Variants in HORMAD1 observed in about 807,000 individuals in gnomAD.
The protein encoded by HORMAD1 is HORMA domain-containing protein 1.
A neutral mutation model predicts 58.2 loss-of-function variants in HORMAD1; 33 were observed. That is an observed-to-expected ratio of 0.57 (90% confidence interval 0.43 to 0.76). HORMAD1 has a LOEUF of 0.76. Among genes scored for constraint, HORMAD1 ranks in the 30% least tolerant of loss-of-function variants. The pLI, the probability that HORMAD1 is intolerant of heterozygous loss-of-function variation, is 0.00. For synonymous variants in HORMAD1, 137 were observed against 144.6 expected (o/e 0.95, Z 0.38); for missense variants, 363 against 462.0 (o/e 0.79, Z 1.96).
intron 9 of HORMAD1, 95 bp from the exon 10 acceptor site, chr1:150,706,904 T>C (rs1263917044): frequency 1.9e-6 from 2 of 1,072,676 alleles, no homozygotes; most frequent in Non-Finnish European, 2.6e-6. Context: ...GTATTTCAAA[T>C]AGTATATAAG....
chr1:150,717,520 T>A (rs1453187095), intron 2 of HORMAD1, among the ~76,000 whole-genome samples: 2 of 151,934 alleles, frequency 1.3e-5, no homozygotes, highest in Non-Finnish European at 2.9e-5. Context: ...TTTTTTTTTT[T>A]ATTTTTAAAA....
At chr1:150,719,366 T>C in intron 2 of HORMAD1, 107 bp downstream of exon 2, 2 of 710,502 alleles carry the variant, frequency 2.8e-6, no homozygotes, top group Non-Finnish European at 4.9e-6. Flanking sequence ...CCTGGTATCA[T>C]AAAACCCTCA....
intron 2 of HORMAD1, among the ~76,000 whole-genome samples, chr1:150,718,247 T>C (rs947239501): frequency 6.6e-6 from 1 of 152,096 alleles, no homozygotes; most frequent in Non-Finnish European, 1.5e-5. Flanking sequence ...TTAGCCTATC[T>C]GTCCCTATAA....
At chr1:150,708,122 G>T in intron 9 of HORMAD1, 134 bp downstream of exon 9, 2 of 578,136 alleles carry the variant, frequency 3.5e-6, no homozygotes, top group South Asian at 6.2e-5. Context: ...TTTCTTTCTT[G>T]AATAGTGATA....
intron 13 of HORMAD1, among the ~76,000 whole-genome samples, chr1:150,701,259 T>C (rs1651527864): frequency 6.6e-6 from 1 of 152,220 alleles, no homozygotes; most frequent in African/African-American, 2.4e-5. Flanking sequence ...GTAAAGGTTA[T>C]TCATCCTACA....
At chr1:150,715,965 G>T (rs1652059232) in intron 3 of HORMAD1, among the ~76,000 whole-genome samples, 1 of 151,490 alleles carries the variant, frequency 6.6e-6, no homozygotes, top group South Asian at 2.1e-4. Flanking sequence ...CATCAGTGCG[G>T]CATTATTCAT....
chr1:150,719,532 A>G lies in HORMAD1; in HGVS notation c.-27T>C, dbSNP rs375045460. On this transcript the variant is annotated 5_prime_UTR_variant, in exon 2 of 15. Coordinates refer to ENST00000361824, the MANE Select transcript of HORMAD1 (RefSeq NM_032132.5). ...TTCTTCTGATAAAGTATTTTCTTTA[A>G]TTCAACCTTGTGACACAAATACAAG... 3.7e-5 allele frequency: 57 copies of G among 1,551,030 alleles called. No homozygotes were observed. The East Asian group carries it at 6.2e-4, about 17-fold the overall frequency.
At chr1:150,720,006 C>A (rs1464723035) in intron 1 of HORMAD1, among the ~76,000 whole-genome samples, 1 of 151,742 alleles carries the variant, frequency 6.6e-6, no homozygotes, top group Non-Finnish European at 1.5e-5. Context: ...CTCCGCCTCC[C>A]GGGTTCAAGC....
chr1:150,699,690 A>AC (rs1553189716), intron 14 of HORMAD1, among the ~76,000 whole-genome samples: 2 of 105,408 alleles, frequency 1.9e-5, no homozygotes, highest in Non-Finnish European at 4.2e-5. Context: ...ACGCCCAGCT[A>AC]TTTTTTTTTT....
At chr1:150,717,530 A>ATTT (rs1652120865) in intron 2 of HORMAD1, among the ~76,000 whole-genome samples, 4 of 152,236 alleles carry the variant, frequency 2.6e-5, no homozygotes, top group African/African-American at 7.2e-5. Flanking sequence ...TATTTTTAAA[A>ATTT]AAATTGAGAC....
intron 5 of HORMAD1, among the ~76,000 whole-genome samples, chr1:150,712,640 C>T (rs904123626): frequency 3.3e-5 from 5 of 152,154 alleles, no homozygotes; most frequent in African/African-American, 9.7e-5. Flanking sequence ...TCTCCACCTC[C>T]CAGGTTCAAG....
At chr1:150,720,059 G>A (rs975819314) in intron 1 of HORMAD1, among the ~76,000 whole-genome samples, 1 of 95,508 alleles carries the variant, frequency 1.0e-5, no homozygotes, top group African/African-American at 3.5e-5. Flanking sequence ...GACCACAGGT[G>A]CCCACCATAT....
In HORMAD1 at chr1:150,708,898, T is replaced by C. The variant is rs1196447123; in HGVS notation, c.391A>G (p.Ile131Val). ...YTNNGPLMDF[I>V]SKNQSNESSM... The stretch of plus-strand genomic sequence containing the variant: ...CAGAAAACTATAGAACAATACCTTA[T>C]GAAGTCCATGAGTGGTCCATTATTG... The change falls in exon 8 of 15, where the codon ATA (isoleucine) becomes GTA (valine). Residue 131 changes from isoleucine to valine, a missense_variant. By Grantham distance (29) the Ile-to-Val change is conservative. This residue lies in a region of HORMAD1 where 128 missense variants were observed against 171.8 expected (regional missense o/e 0.74). Coordinates refer to ENST00000361824, the MANE Select transcript of HORMAD1 (RefSeq NM_032132.5). 4 of 1,431,852 alleles carry C rather than the reference T, an allele frequency of 2.8e-6. No individual in the cohort carries two copies. The highest frequency in any genetic ancestry group is 2.3e-5 in the East Asian group (1 of 43,974). The allele number at this position is 1,431,852 out of a possible 1,614,324, so 88.7% of individuals were successfully genotyped here.
intron 4 of HORMAD1, 54 bp from the exon 5 acceptor site, chr1:150,714,175 G>A: frequency 1.8e-6 from 2 of 1,084,682 alleles, no homozygotes; most frequent in African/African-American, 1.6e-5. Context: ...CCAGAAAATA[G>A]TTATTTTCAT....
chr1:150,700,252 C>G, intron 13 of HORMAD1, 69 bp from the exon 14 acceptor site: 2 of 842,174 alleles, frequency 2.4e-6, no homozygotes, highest in Admixed American at 3.7e-5. Flanking sequence ...ATTTTTCAAT[C>G]TTATGCAACG....
chr1:150,713,485 G>A (rs996540228), intron 5 of HORMAD1, among the ~76,000 whole-genome samples: 5 of 151,848 alleles, frequency 3.3e-5, no homozygotes, highest in East Asian at 1.9e-4. Context: ...GCAGTAAGCC[G>A]AGATGGTGCC....
At position 150,698,712 on chromosome 1, in the gene HORMAD1, G is replaced by A; in HGVS notation, c.1127C>T (p.Ser376Phe). The change falls in exon 15 of 15, where the codon TCT (serine) becomes TTT (phenylalanine). Residue 376 changes from serine to phenylalanine, a missense_variant. Around this residue, in one of 3 missense-constraint regions of HORMAD1, gnomAD observed 226 missense variants for 257.8 expected, o/e 0.88. Coordinates refer to ENST00000361824, the MANE Select transcript of HORMAD1 (RefSeq NM_032132.5). ...GRIVLHHFDS[S>F]SQESVPKRRK... ...CCTTTTTGGCACTGACTCTTGACTA[G>A]AAGAATCAAAGTGATGGAGGACCTG... 6.3e-7 allele frequency: 1 copy of A among 1,596,880 alleles called. No homozygotes were observed. The highest frequency in any genetic ancestry group is 1.7e-5 in the Admixed American group (1 of 59,388).
At chr1:150,699,534 T>C (rs748087746) in intron 14 of HORMAD1, among the ~76,000 whole-genome samples, 3 of 151,994 alleles carry the variant, frequency 2.0e-5, no homozygotes, top group Non-Finnish European at 4.4e-5. Flanking sequence ...ACTGATTTTT[T>C]TTTTTTTTAA....
chr1:150,700,302 G>C, intron 13 of HORMAD1, 119 bp from the exon 14 acceptor site: 1 of 606,894 alleles, frequency 1.6e-6, no homozygotes, highest in Middle Eastern at 4.3e-4. Context: ...TTTAGGGACA[G>C]GGTCTCCCTC....
Sources: allele counts gnomAD v4.1 joint callset (sites outside exome capture counted in the v4.1 genomes callset), GRCh38; gene constraint gnomAD v4.1.1; regional missense constraint gnomAD v4.1.1; transcripts MANE v1.5; gene names NCBI Gene and HGNC (gene_info 2026-07-23, HGNC 2026-07-21).